Variants in SUPT7L observed in about 807,000 individuals in gnomAD.
The protein encoded by SUPT7L is STAGA complex 65 subunit gamma.
Under a neutral mutation model 35.7 loss-of-function variants are expected in SUPT7L, and 15 were observed. The ratio of observed to expected loss-of-function variants is 0.42; its 90% CI spans 0.28 to 0.65. The LOEUF (loss-of-function observed/expected upper bound fraction) is 0.65. Ranked by LOEUF, SUPT7L falls within the 30% of genes least tolerant of loss-of-function variation. The pLI, the probability that SUPT7L is intolerant of heterozygous loss-of-function variation, is 0.23. For missense variants in SUPT7L, 434 were observed against 522.2 expected, an observed-to-expected ratio of 0.83 and a Z score of 1.65; for synonymous variants, 168 against 186.2, an observed-to-expected ratio of 0.90 and a Z score of 0.79.
intron 5 of SUPT7L, among the ~76,000 whole-genome samples, chr2:27,655,149 G>T (rs949177795): frequency 6.6e-6 from 1 of 152,218 alleles, no homozygotes; most frequent in East Asian, 1.9e-4. Flanking sequence ...TTATTTTAAA[G>T]AATGCCTGTA....
At position 27,655,469 on chromosome 2, in the gene SUPT7L, G is replaced by C. The variant is rs1213918540; in HGVS notation, c.878C>G (p.Ala293Gly). Residue 293 changes from alanine to glycine, a missense_variant, in exon 5 of 6, where the codon GCT becomes GGT. By Grantham distance (60) the Ala-to-Gly change is moderately conservative. Coordinates refer to ENST00000337768, the MANE Select transcript of SUPT7L (RefSeq NM_014860.3). The part of the protein sequence containing the change: ...ITFPVSEELE[A>G]DLASGDQSLP... The stretch of plus-strand genomic sequence containing the variant: ...TGACTGGTCTCCAGAAGCAAGGTCA[G>C]CCTCCAGCTCCTCACTGACAGGAAA... 5 of 1,614,046 alleles carry C rather than the reference G, an allele frequency of 3.1e-6. No individual in the cohort carries two copies. The highest frequency in any genetic ancestry group is 3.3e-5 in the Admixed American group (2 of 59,986).
chr2:27,643,498 T>C, the SUPT7L span, among the ~76,000 whole-genome samples: 2 of 152,184 alleles, frequency 1.3e-5, no homozygotes, highest in Non-Finnish European at 2.9e-5. This position sits in a 1 kb window ranked among gnomAD's most constrained non-coding sequence, Gnocchi z 4.0. Context: ...GAAATTAACA[T>C]TGACATAATA....
At chr2:27,642,958 T>TATACACACACACACACACACAC in the SUPT7L span, among the ~76,000 whole-genome samples, 2 of 122,608 alleles carry the variant, frequency 1.6e-5, no homozygotes, top group Non-Finnish European at 3.3e-5. Flanking sequence ...TATATATATA[T>TATACACACACACACACACACAC]ACACACACAC....
the SUPT7L span, among the ~76,000 whole-genome samples, chr2:27,644,977 A>T: frequency 2.6e-5 from 4 of 151,346 alleles, no homozygotes; most frequent in East Asian, 1.9e-4. Flanking sequence ...TTATTTATTT[A>T]TTTTTTTTGA....
At chr2:27,659,544 C>T (rs1471920616) in intron 3 of SUPT7L, among the ~76,000 whole-genome samples, 2 of 151,780 alleles carry the variant, frequency 1.3e-5, no homozygotes, top group African/African-American at 2.4e-5. Context: ...ATCCTGGATT[C>T]GAGGGAAAAG....
rs556752592 is a variant in SUPT7L at position 27,663,551 on chromosome 2, C to T, written c.-312G>A. ...AGAGCGGGCTGGGCGGCTGTCTGGA[C>T]CTCGAGAGGCCTGAGGCAAGGATCG... On this transcript the variant is annotated 5_prime_UTR_variant, in exon 1 of 6. Coordinates refer to ENST00000337768, the MANE Select transcript of SUPT7L (RefSeq NM_014860.3). 390 of 567,836 alleles carry T rather than the reference C, an allele frequency of 6.9e-4. No homozygotes were observed. Among genetic ancestry groups the T allele is most frequent in the Non-Finnish European group, 8.6e-4 (275 of 318,724 alleles). 35.2% of individuals were successfully genotyped at this position (567,836 alleles called of 1,614,324 possible).
intron 3 of SUPT7L, 38 bp downstream of exon 3, chr2:27,660,946 A>T: frequency 1.3e-6 from 2 of 1,581,332 alleles, no homozygotes; most frequent in East Asian, 2.3e-5. Context: ...TGGGAAGATG[A>T]CTTGAGAAAA....
At chr2:27,642,996 T>C in the SUPT7L span, among the ~76,000 whole-genome samples, 4,620 of 71,440 alleles carry the variant, frequency 0.065, 103 homozygotes, top group East Asian at 0.11. Flanking sequence ...CACACACACA[T>C]ACATATGCAT....
downstream of SUPT7L, among the ~76,000 whole-genome samples, chr2:27,649,920 T>C (rs577007816): frequency 3.2e-4 from 49 of 152,222 alleles, no homozygotes; most frequent in Non-Finnish European, 6.2e-4. Flanking sequence ...GAGGGAGGTA[T>C]TCTTTCTACT....
rs572523968 is a variant in SUPT7L, at chr2:27,651,577, G to C, written c.*1908C>G. ...CAAAATTTGAAGCTATTCTTTAAGA[G>C]GAGAACATTCGCAAAACTCAAGCAT... On this transcript the variant is annotated 3_prime_UTR_variant, in exon 6 of 6. Transcript: ENST00000337768. 1 of 152,334 alleles carries C rather than the reference G, an allele frequency of 6.6e-6. No individual in the cohort carries two copies. Among genetic ancestry groups the C allele is most frequent in the South Asian group, 2.1e-4 (1 of 4,830 alleles). 9.4% of individuals were successfully genotyped at this position (152,334 alleles called of 1,614,324 possible). A position where few individuals can be genotyped will look rare whatever the true frequency, so the allele number is the denominator to read the frequency against.
intron 3 of SUPT7L, among the ~76,000 whole-genome samples, chr2:27,659,472 TG>T (rs1674952152): frequency 6.6e-6 from 1 of 152,162 alleles, no homozygotes; most frequent in Admixed American, 6.6e-5. Flanking sequence ...ACAAGCGACC[TG>T]AACTCATAAA....
downstream of SUPT7L, among the ~76,000 whole-genome samples, chr2:27,647,555 A>G (rs1425569946): frequency 6.6e-6 from 1 of 152,208 alleles, no homozygotes; most frequent in Non-Finnish European, 1.5e-5. Flanking sequence ...GTGAGCCAGT[A>G]AAAAAGAATG....
intron 4 of SUPT7L, 27 bp from the exon 5 acceptor site, chr2:27,655,629 C>G: frequency 6.5e-7 from 1 of 1,541,126 alleles, no homozygotes; most frequent in Non-Finnish European, 8.8e-7. Flanking sequence ...GTCAATTTTC[C>G]AAGGAAATGT....
At chr2:27,661,551 AC>A in intron 2 of SUPT7L, 163 bp from the exon 3 acceptor site, 1 of 1,434,712 alleles carries the variant, frequency 7.0e-7, no homozygotes, top group South Asian at 1.5e-5. Context: ...ATTTGTGACC[AC>A]TTAGAAAAAT....
downstream of SUPT7L, chr2:27,650,222 T>C (rs1389359497): frequency 7.1e-7 from 1 of 1,416,700 alleles, no homozygotes; most frequent in Non-Finnish European, 1.0e-6. Context: ...ACACTTCACT[T>C]GTTTCTAGAA....
At chr2:27,650,182 G>C, downstream of SUPT7L, 1 of 1,595,032 alleles carries the variant, frequency 6.3e-7, no homozygotes, top group Non-Finnish European at 8.6e-7. Flanking sequence ...CACAATACTG[G>C]AAGAGAAACA....
chr2:27,650,032 T>C (rs1674449045), downstream of SUPT7L: 1 of 787,394 alleles, frequency 1.3e-6, no homozygotes, highest in Admixed American at 1.8e-5. Flanking sequence ...AGTAATGTAC[T>C]GTTTTCTGAT....
At chr2:27,655,629 C>T in intron 4 of SUPT7L, 27 bp from the exon 5 acceptor site, 2 of 1,541,126 alleles carry the variant, frequency 1.3e-6, no homozygotes, top group South Asian at 2.5e-5. Flanking sequence ...GTCAATTTTC[C>T]AAGGAAATGT....
At chr2:27,662,133 C>T in intron 2 of SUPT7L, 46 bp downstream of exon 2, 1 of 1,613,866 alleles carries the variant, frequency 6.2e-7, no homozygotes, top group Non-Finnish European at 8.5e-7. Flanking sequence ...AGTCAGAATT[C>T]CTTGGCTTAC....
Sources: allele counts gnomAD v4.1 joint callset (sites outside exome capture counted in the v4.1 genomes callset), GRCh38; gene constraint gnomAD v4.1.1; non-coding constraint Gnocchi (gnomAD v3.1); transcripts MANE v1.5; gene names NCBI Gene and HGNC (gene_info 2026-07-23, HGNC 2026-07-21).